DMGDH: variants seen among roughly 807,000 people sequenced by gnomAD.
DMGDH encodes the protein dimethylglycine dehydrogenase, mitochondrial.
Under a neutral mutation model 95.2 loss-of-function variants are expected in DMGDH, and 76 were observed. The ratio of observed to expected loss-of-function variants is 0.80; its 90% CI spans 0.66 to 0.97. The LOEUF (loss-of-function observed/expected upper bound fraction) is 0.97, where lower values mean the gene tolerates loss of function less well. DMGDH is among the 50% of genes least tolerant of loss of function. The pLI, the probability that DMGDH is intolerant of heterozygous loss-of-function variation, is 0.00. For missense variants in DMGDH, 987 were observed against 1,055.0 expected, an observed-to-expected ratio of 0.94 and a Z score of 0.89; for synonymous variants, 345 against 377.6, an observed-to-expected ratio of 0.91 and a Z score of 1.00.
chr5:79,026,903 C>T (rs1381902159), intron 12 of DMGDH, among the ~76,000 whole-genome samples: 1 of 152,156 alleles, frequency 6.6e-6, no homozygotes, highest in Admixed American at 6.5e-5. Context: ...TGACTGTTTT[C>T]TGGGACAATG....
At chr5:79,041,785 A>C (rs1382611984) in intron 7 of DMGDH, among the ~76,000 whole-genome samples, 1 of 152,104 alleles carries the variant, frequency 6.6e-6, no homozygotes, top group African/African-American at 2.4e-5. Context: ...GCCTGAGGTC[A>C]GGAGTTTGAG....
At chr5:79,048,289 G>T (rs565428642) in intron 5 of DMGDH, among the ~76,000 whole-genome samples, 4 of 152,218 alleles carry the variant, frequency 2.6e-5, no homozygotes, top group African/African-American at 9.6e-5. Flanking sequence ...AAGTCACTCA[G>T]TTGGCAATGT....
At chr5:79,039,412 A>G (rs1341581421) in intron 7 of DMGDH, among the ~76,000 whole-genome samples, 1 of 152,040 alleles carries the variant, frequency 6.6e-6, no homozygotes, top group Non-Finnish European at 1.5e-5. Context: ...TTGTAGGGAC[A>G]TGGATGAAAT....
intron 7 of DMGDH, among the ~76,000 whole-genome samples, chr5:79,039,342 A>T (rs1288491022): frequency 5.9e-5 from 9 of 152,166 alleles, no homozygotes; most frequent in Non-Finnish European, 1.0e-4. Context: ...GATTAAGAAA[A>T]TGTGGCACAT....
At chr5:79,059,336 C>T (rs1377791666) in intron 2 of DMGDH, among the ~76,000 whole-genome samples, 3 of 152,304 alleles carry the variant, frequency 2.0e-5, no homozygotes, top group South Asian at 2.1e-4. Flanking sequence ...CAGAAGACAC[C>T]GCTCAGTGAG....
intron 2 of DMGDH, among the ~76,000 whole-genome samples, chr5:79,060,289 G>A (rs537988965): frequency 2.6e-5 from 4 of 152,212 alleles, no homozygotes; most frequent in South Asian, 2.1e-4. Flanking sequence ...GCCCCTTCTC[G>A]GGATCCCAAG....
chr5:79,002,947 T>C (rs947417492), intron 15 of DMGDH, among the ~76,000 whole-genome samples: 6 of 152,228 alleles, frequency 3.9e-5, no homozygotes, highest in African/African-American at 1.4e-4. Context: ...GCAAGGAATA[T>C]AGCATGTAAA....
At chr5:79,008,378 C>G (rs1753585727) in intron 14 of DMGDH, among the ~76,000 whole-genome samples, 2 of 152,098 alleles carry the variant, frequency 1.3e-5, no homozygotes, top group South Asian at 4.2e-4. Flanking sequence ...ACAAAAACAC[C>G]CCACAGATAC....
At chr5:79,059,350 C>T (rs981781440) in intron 2 of DMGDH, among the ~76,000 whole-genome samples, 1 of 152,226 alleles carries the variant, frequency 6.6e-6, no homozygotes, top group Admixed American at 6.5e-5. Context: ...CAGTGAGGCA[C>T]ACACCCAAGT....
intron 14 of DMGDH, among the ~76,000 whole-genome samples, chr5:79,017,401 C>CA (rs1223149196): frequency 7.9e-5 from 12 of 152,022 alleles, no homozygotes; most frequent in Non-Finnish European, 1.8e-4. Context: ...GGAGGCACAT[C>CA]AAAAAATGTC....
At position 79,005,321 on chromosome 5, in the gene DMGDH, C is replaced by T. The variant is rs759667712; in HGVS notation, c.2337G>A (p.Thr779=). 5.6e-6 allele frequency: 9 copies of T among 1,613,498 alleles called. No homozygotes were observed. Among genetic ancestry groups the T allele is most frequent in the Middle Eastern group, 1.6e-4 (1 of 6,076 alleles). ...CATTTCCCTCTGGATCAACATCATC[C>T]GTTGCCAAGGTGAGGCAGACCAGTC... is the stretch of plus-strand genomic sequence containing the variant. The part of the protein sequence containing the change: ...KRRLVCLTLA[T]DDVDPEGNES... Residue 779 remains threonine (T), a synonymous_variant, in exon 15 of 16, where the codon ACG becomes ACA. Transcript: ENST00000255189.
chr5:79,011,929 G>A (rs1402530787), intron 14 of DMGDH, among the ~76,000 whole-genome samples: 2 of 152,076 alleles, frequency 1.3e-5, no homozygotes, highest in Non-Finnish European at 2.9e-5. Flanking sequence ...ATTTGGTGGG[G>A]AAACAGATAC....
At chr5:79,022,369 G>A (rs567376976) in intron 14 of DMGDH, among the ~76,000 whole-genome samples, 3 of 152,224 alleles carry the variant, frequency 2.0e-5, no homozygotes, top group African/African-American at 7.2e-5. Flanking sequence ...CCAGGCATCC[G>A]TTTCACATTA....
chr5:79,007,001 C>T (rs920553461), intron 14 of DMGDH, among the ~76,000 whole-genome samples: 4 of 152,178 alleles, frequency 2.6e-5, no homozygotes, highest in Non-Finnish European at 5.9e-5. Flanking sequence ...GCAAAATGAA[C>T]ATCCAATTCT....
intron 5 of DMGDH, 25 bp from the exon 6 acceptor site, chr5:79,044,577 G>C: frequency 2.5e-6 from 4 of 1,612,910 alleles, no homozygotes; most frequent in Non-Finnish European, 3.4e-6. Flanking sequence ...TCATTTAAAA[G>C]TGTCAGCCCA....
chr5:79,013,943 G>C (rs1359616357), intron 14 of DMGDH, among the ~76,000 whole-genome samples: 2 of 152,138 alleles, frequency 1.3e-5, no homozygotes, highest in East Asian at 3.9e-4. Flanking sequence ...CAACAATGGG[G>C]ATTACAATTT....
chr5:79,016,586 G>C (rs1233455804), intron 14 of DMGDH, among the ~76,000 whole-genome samples: 2 of 152,128 alleles, frequency 1.3e-5, no homozygotes, highest in Non-Finnish European at 2.9e-5. Context: ...AATAAAAGAT[G>C]ACCTGAATAA....
intron 1 of DMGDH, among the ~76,000 whole-genome samples, chr5:79,065,806 A>G (rs1302375493): frequency 6.6e-6 from 1 of 152,216 alleles, no homozygotes; most frequent in African/African-American, 2.4e-5. Context: ...TGCATATGAC[A>G]TTATGACAGC....
chr5:79,068,961 A>G (rs1755461125), intron 1 of DMGDH, among the ~76,000 whole-genome samples: 1 of 152,240 alleles, frequency 6.6e-6, no homozygotes, highest in African/African-American at 2.4e-5. Flanking sequence ...CCTTTTCCCT[A>G]ACAAGTTCAC....
Sources: allele counts gnomAD v4.1 joint callset (sites outside exome capture counted in the v4.1 genomes callset), GRCh38; gene constraint gnomAD v4.1.1; transcripts MANE v1.5; gene names NCBI Gene and HGNC (gene_info 2026-07-23, HGNC 2026-07-21).